LIPG: variants seen among roughly 807,000 people sequenced by gnomAD.
LIPG encodes lipase G, endothelial type, also known as endothelial lipase.
LIPG carries 34 observed loss-of-function variants against 51.8 expected under a neutral mutation model. That is an observed-to-expected ratio of 0.66 (90% CI 0.50 to 0.87). The LOEUF is 0.87. LIPG is among the 40% of genes least tolerant of loss of function. LIPG has a pLI of 0.00. For missense variants in LIPG, 580 were observed against 652.7 expected (o/e 0.89, Z 1.21); for synonymous variants, 246 against 246.1 (o/e 1.00, Z 0.00).
chr18:49,596,484 A>C lies in LIPG; in HGVS notation c.*5962A>C, dbSNP rs35367504. Reference sequence around the variant, plus strand: ...CCCTGTCTCTACTAAAAATACAAAAAGTTAGCCAGGTGTGATGGTGGGCAC... The same window carrying C: ...CCCTGTCTCTACTAAAAATACAAAACGTTAGCCAGGTGTGATGGTGGGCAC... On this transcript the variant is annotated 3_prime_UTR_variant, in exon 10 of 10. Transcript: ENST00000261292. 1 of 151,476 alleles carries C rather than the reference A, an allele frequency of 6.6e-6. No homozygotes were observed. The highest frequency in any genetic ancestry group is 1.5e-5 in the Non-Finnish European group (1 of 67,884). The allele number at this position is 151,476 out of a possible 1,614,324, so 9.4% of individuals were successfully genotyped here.
At chr18:49,577,891 G>A (rs1291395595) in intron 5 of LIPG, among the ~76,000 whole-genome samples, 1 of 110,624 alleles carries the variant, frequency 9.0e-6, no homozygotes, top group African/African-American at 4.1e-5. Flanking sequence ...GCCGGGCTGA[G>A]GGGCTCCTCA....
At position 49,592,119 on chromosome 18, in the gene LIPG, G is replaced by T. The variant is rs1276278992; in HGVS notation, c.*1597G>T. 1 of 152,096 alleles carries T rather than the reference G, an allele frequency of 6.6e-6. No homozygotes were observed. Among genetic ancestry groups the T allele is most frequent in the African/African-American group, 2.4e-5 (1 of 41,418 alleles). The allele number at this position is 152,096 out of a possible 1,614,324, so 9.4% of individuals were successfully genotyped here. On this transcript the variant is annotated 3_prime_UTR_variant, in exon 10 of 10. Coordinates refer to ENST00000261292, the MANE Select transcript of LIPG (RefSeq NM_006033.4). ...TGACACCAAGCAGGAGAGGAAGAAT[G>T]ATTTTCTTTGTACTTAGGTTTTCTA... is the stretch of plus-strand genomic sequence containing the variant.
chr18:49,581,301 AC>A (rs2084816103), intron 5 of LIPG, 113 bp from the exon 6 acceptor site: 1 of 1,427,494 alleles, frequency 7.0e-7, no homozygotes, highest in African/African-American at 1.4e-5. Context: ...ACATGAAAAT[AC>A]TAACAGCAAC....
chr18:49,588,301 G>C (rs933361395), intron 9 of LIPG, among the ~76,000 whole-genome samples: 2 of 74,252 alleles, frequency 2.7e-5, no homozygotes, highest in African/African-American at 1.0e-4. Flanking sequence ...TTTTTTTTTT[G>C]AGACAAAGTC....
chr18:49,568,194 T>C lies in LIPG; in HGVS notation c.459+573T>C, dbSNP rs576653339. On this transcript the variant is annotated intron_variant, in intron 3 of 9. Coordinates refer to ENST00000261292, the MANE Select transcript of LIPG (RefSeq NM_006033.4). ...ACAGGCCTGTGTCACCATGCCCAGC[T>C]AATTTTTTTGTATTTTTAGTAGAGA... Among the ~76,000 whole-genome samples the C allele has an allele frequency of 7.4e-4, 112 of 152,132 alleles. 2 individuals are homozygous for C. The South Asian group carries it at 0.023, about 31-fold the overall frequency.
chr18:49,583,565 G>T lies in LIPG; in HGVS notation c.1167G>T (p.Arg389=), dbSNP rs1310523572. 6.2e-7 allele frequency: 1 copy of T among 1,613,964 alleles called. No homozygotes were observed. Among genetic ancestry groups the T allele is most frequent in the East Asian group, 2.2e-5 (1 of 44,870 alleles). Residue 389 remains arginine, a synonymous_variant, in exon 8 of 10, where the codon CGG becomes CGT. Coordinates refer to ENST00000261292, the MANE Select transcript of LIPG (RefSeq NM_006033.4). ...TCTCTCCCACTTGTAGAGTGGAGCG[G>T]ATCGAGCAGAATGCCACCAACACCT... ...SQTLPLEIVE[R]IEQNATNTFL...
At chr18:49,580,278 C>T (rs545996455) in intron 5 of LIPG, among the ~76,000 whole-genome samples, 63 of 152,330 alleles carry the variant, frequency 4.1e-4, no homozygotes, top group South Asian at 3.3e-3. Context: ...TACCTCACCC[C>T]TATGGACCTT....
intron 1 of LIPG, among the ~76,000 whole-genome samples, chr18:49,563,155 G>T (rs1274090811): frequency 6.6e-6 from 1 of 152,204 alleles, no homozygotes; most frequent in Non-Finnish European, 1.5e-5. Flanking sequence ...GCAGTGGAGG[G>T]CTGGGGAGCC....
At position 49,595,068 on chromosome 18, in the gene LIPG, G is replaced by A. The variant is rs531623093; in HGVS notation, c.*4546G>A. On this transcript the variant is annotated 3_prime_UTR_variant, in exon 10 of 10. Coordinates refer to ENST00000261292, the MANE Select transcript of LIPG (RefSeq NM_006033.4). Reference sequence around the variant, plus strand: ...GACCCCTTGGAAGGATGGATACAAAGTAGGTACTAGAACAGTCTTTGTCAT... The same window carrying A: ...GACCCCTTGGAAGGATGGATACAAAATAGGTACTAGAACAGTCTTTGTCAT... 6.6e-6 allele frequency: 1 copy of A among 152,212 alleles called. No homozygotes were observed. The highest frequency in any genetic ancestry group is 1.5e-5 in the Non-Finnish European group (1 of 68,056). The allele number at this position is 152,212 out of a possible 1,614,324, so 9.4% of individuals were successfully genotyped here. A position where few individuals can be genotyped will look rare whatever the true frequency, so the allele number is the denominator to read the frequency against.
At chr18:49,590,444 T>C in intron 9 of LIPG, 57 bp from the exon 10 acceptor site, 1 of 1,564,930 alleles carries the variant, frequency 6.4e-7, no homozygotes, top group Non-Finnish European at 8.7e-7. Context: ...GAATACAGGT[T>C]TGCGCGTTTG....
intron 9 of LIPG, chr18:49,589,460 A>T (rs2084917954): frequency 6.6e-6 from 1 of 152,244 alleles, no homozygotes; most frequent in African/African-American, 2.4e-5. Flanking sequence ...ATGACTAAGG[A>T]AGGCTATTCT....
At position 49,597,434 on chromosome 18, in the gene LIPG, G is replaced by A. The variant is rs1486288668; in HGVS notation, c.*6912G>A. On this transcript the variant is annotated 3_prime_UTR_variant, in exon 10 of 10. Coordinates refer to ENST00000261292, the MANE Select transcript of LIPG (RefSeq NM_006033.4). ...AACTGTGGGTTATCTATAGATTGGG[G>A]GTGGCCTCTCCTAAAAAAGACTAAT... 3 of 152,040 alleles carry A rather than the reference G, an allele frequency of 2.0e-5. No individual in the cohort carries two copies. Among genetic ancestry groups the A allele is most frequent in the Non-Finnish European group, 2.9e-5 (2 of 68,022 alleles). 9.4% of individuals were successfully genotyped at this position (152,040 alleles called of 1,614,324 possible). A position where few individuals can be genotyped will look rare whatever the true frequency, so the allele number is the denominator to read the frequency against.
intron 9 of LIPG, among the ~76,000 whole-genome samples, chr18:49,587,876 C>A (rs568082145): frequency 6.6e-6 from 1 of 152,092 alleles, no homozygotes; most frequent in South Asian, 2.1e-4. Flanking sequence ...CAGCCTCGAC[C>A]TCCCCAGGCT....
chr18:49,581,140 G>A (rs545668711), intron 5 of LIPG, among the ~76,000 whole-genome samples: 16 of 152,154 alleles, frequency 1.1e-4, no homozygotes, highest in African/African-American at 2.9e-4. Context: ...TGTGCCTGTC[G>A]TCCCAGATAC....
intron 5 of LIPG, among the ~76,000 whole-genome samples, chr18:49,576,184 A>G (rs925938355): frequency 6.6e-6 from 1 of 152,058 alleles, no homozygotes; most frequent in African/African-American, 2.4e-5. Flanking sequence ...TTTGTTGAAC[A>G]AGAAATCAAG....
intron 3 of LIPG, among the ~76,000 whole-genome samples, chr18:49,568,705 T>A (rs1252856747): frequency 1.3e-5 from 2 of 152,140 alleles, no homozygotes; most frequent in Non-Finnish European, 2.9e-5. Flanking sequence ...AGGTTAATAA[T>A]CTGCCTGAGA....
chr18:49,581,629 A>T lies in LIPG; in HGVS notation c.1008A>T (p.Leu336=), dbSNP rs771191281. The T allele has an allele frequency of 6.2e-7, 1 of 1,614,074 alleles. No homozygotes were observed. The highest frequency in any genetic ancestry group is 1.1e-5 in the South Asian group (1 of 91,090). ...ACAAGAGGAACAGCAAAATGTACCT[A>T]AAAACCCGGGCAGGCATGCCTTTCA... ...MRNKRNSKMY[L]KTRAGMPFRV... is the part of the protein sequence containing the mutation. Residue 336 remains leucine, a synonymous_variant, in exon 6 of 10, where the codon CTA becomes CTT. Coordinates refer to ENST00000261292, the MANE Select transcript of LIPG (RefSeq NM_006033.4).
chr18:49,592,027 A>G lies in LIPG; in HGVS notation c.*1505A>G, dbSNP rs1401654825. 1 of 152,112 alleles carries G rather than the reference A, an allele frequency of 6.6e-6. No individual in the cohort carries two copies. Among genetic ancestry groups the G allele is most frequent in the Non-Finnish European group, 1.5e-5 (1 of 68,028 alleles). 9.4% of individuals were successfully genotyped at this position (152,112 alleles called of 1,614,324 possible). A position where few individuals can be genotyped will look rare whatever the true frequency, so the allele number is the denominator to read the frequency against. On this transcript the variant is annotated 3_prime_UTR_variant, in exon 10 of 10. Coordinates refer to ENST00000261292, the MANE Select transcript of LIPG (RefSeq NM_006033.4). ...CATAAAATCCTAAGCCCTTTTATTA[A>G]TGTATAACCAGGAGAACATCTGTGC...
At chr18:49,584,605 C>T (rs1259788030) in intron 8 of LIPG, among the ~76,000 whole-genome samples, 1 of 152,190 alleles carries the variant, frequency 6.6e-6, no homozygotes, top group East Asian at 1.9e-4. Context: ...CATTATAATT[C>T]CTGCCATGTC....
Sources: gnomAD v4.1 joint callset for allele counts (sites outside exome capture counted in the v4.1 genomes callset) on GRCh38, gnomAD v4.1.1 for gene constraint, MANE v1.5 for transcripts, NCBI Gene and HGNC (gene_info 2026-07-23, HGNC 2026-07-21) for gene names.